Variants in RPH3A observed in about 807,000 individuals in gnomAD.
The protein encoded by RPH3A is rabphilin 3A.
A neutral mutation model predicts 102.2 loss-of-function variants in RPH3A; 48 were observed. The observed-to-expected ratio is 0.47, with a 90% CI of 0.37 to 0.60. The LOEUF (loss-of-function observed/expected upper bound fraction) is 0.60, where lower values mean the gene tolerates loss of function less well. Among genes scored for constraint, RPH3A ranks in the 20% least tolerant of loss-of-function variants. The pLI is 0.00. For missense variants in RPH3A, 781 were observed against 910.1 expected, an observed-to-expected ratio of 0.86 and a Z score of 1.83; for synonymous variants, 310 against 324.3, an observed-to-expected ratio of 0.96 and a Z score of 0.47.
intron 1 of RPH3A, among the ~76,000 whole-genome samples, chr12:112,583,217 CAAT>C (rs1215850275): frequency 2.0e-5 from 3 of 152,164 alleles, no homozygotes; most frequent in Admixed American, 2.0e-4. Context: ...TCCTCAACGA[CAAT>C]AATAACAGCT....
chr12:112,609,765 T>C (rs2039624166), intron 1 of RPH3A, among the ~76,000 whole-genome samples: 1 of 152,174 alleles, frequency 6.6e-6, no homozygotes, highest in Admixed American at 6.5e-5. Flanking sequence ...ATGCCTATTG[T>C]TCAAAAGCAT....
intron 1 of RPH3A, among the ~76,000 whole-genome samples, chr12:112,760,659 A>G (rs1440340929): frequency 6.6e-6 from 1 of 152,222 alleles, no homozygotes; most frequent in Non-Finnish European, 1.5e-5. Flanking sequence ...TCCTGAGAGG[A>G]CATGTTTACT....
At chr12:112,751,312 C>T (rs1338690484) in intron 1 of RPH3A, among the ~76,000 whole-genome samples, 2 of 152,126 alleles carry the variant, frequency 1.3e-5, no homozygotes, top group African/African-American at 2.4e-5. Context: ...CAGTACAGTG[C>T]TATGATTGTG....
chr12:112,612,739 A>G (rs2039648645), intron 1 of RPH3A, among the ~76,000 whole-genome samples: 3 of 145,766 alleles, frequency 2.1e-5, no homozygotes, highest in Admixed American at 6.8e-5. Context: ...TAATTTTTGT[A>G]TTTTTCTTTT....
Position 112,879,124 on chromosome 12 carries a change from C to G in RPH3A, c.1177C>G (p.Leu393Val). The G allele has an allele frequency of 6.2e-7, 1 of 1,613,854 alleles. No homozygotes were observed. Among genetic ancestry groups the G allele is most frequent in the Non-Finnish European group, 8.5e-7 (1 of 1,179,814 alleles). The change falls in exon 14 of 22, where the codon CTG (leucine) becomes GTG (valine). Residue 393 changes from leucine (L) to valine (V), a missense_variant. By Grantham distance (32) the Leu-to-Val change is conservative. Transcript: ENST00000389385. Reference protein sequence around the residue: ...NSYDSDEATTLGALEFSLLYD... With the variant: ...NSYDSDEATTVGALEFSLLYD... ...CCTGTCTCTGCCCCCTTCAGCCACC[C>G]TGGGTGCCCTGGAATTCAGCCTTCT... is the stretch of plus-strand genomic sequence containing the variant.
intron 1 of RPH3A, among the ~76,000 whole-genome samples, chr12:112,784,609 G>A (rs889020095): frequency 6.6e-6 from 1 of 152,184 alleles, no homozygotes; most frequent in Non-Finnish European, 1.5e-5. Context: ...CATTGACCAG[G>A]CATCAGATTT....
intron 1 of RPH3A, among the ~76,000 whole-genome samples, chr12:112,770,822 C>A (rs1444263953): frequency 1.3e-5 from 2 of 152,082 alleles, no homozygotes; most frequent in Admixed American, 1.3e-4. Flanking sequence ...CTTGGGATAC[C>A]CCCAACGGTA....
At chr12:112,839,493 T>G (rs943127289) in intron 4 of RPH3A, among the ~76,000 whole-genome samples, 8 of 152,192 alleles carry the variant, frequency 5.3e-5, no homozygotes, top group Non-Finnish European at 1.0e-4. Context: ...TGCCAGTGGC[T>G]GGAATGATAC....
At chr12:112,786,831 T>C (rs2041055057), upstream of RPH3A, among the ~76,000 whole-genome samples, 1 of 152,196 alleles carries the variant, frequency 6.6e-6, no homozygotes, top group South Asian at 2.1e-4. Flanking sequence ...ACAAACTCTG[T>C]GGCTGAAGAC....
intron 1 of RPH3A, among the ~76,000 whole-genome samples, chr12:112,776,702 G>A (rs1220317827): frequency 1.3e-5 from 2 of 151,724 alleles, no homozygotes; most frequent in African/African-American, 4.8e-5. Flanking sequence ...GTGAAACCCC[G>A]TCTCTACTGA....
rs114882801 is a variant in RPH3A, at chr12:112,703,106, A to G, written c.-139-89037A>G. Among the ~76,000 whole-genome samples, 463 of 152,278 alleles carry G rather than the reference A, an allele frequency of 3.0e-3. 5 individuals carry two copies. The highest frequency in any genetic ancestry group is 0.011 in the African/African-American group (450 of 41,550). On this transcript the variant is annotated intron_variant, in intron 1 of 21. Coordinates refer to the RPH3A transcript ENST00000543106. ...AGTTCTGAGACTGTTTTTCAAGAGG[A>G]CTTGTGTGTTTCCACATGTTCTTTT...
At chr12:112,780,936 C>T (rs2041003240) in intron 1 of RPH3A, among the ~76,000 whole-genome samples, 1 of 152,060 alleles carries the variant, frequency 6.6e-6, no homozygotes, top group African/African-American at 2.4e-5. Flanking sequence ...GGTGGATCAC[C>T]TGAGGTCAAG....
At chr12:112,888,512 G>A (rs1380677012) in intron 17 of RPH3A, among the ~76,000 whole-genome samples, 3 of 152,166 alleles carry the variant, frequency 2.0e-5, no homozygotes, top group South Asian at 2.1e-4. Context: ...CCAGACTCTC[G>A]GGTGTGAATC....
At chr12:112,735,480 G>T (rs1268823922) in intron 1 of RPH3A, among the ~76,000 whole-genome samples, 1 of 152,210 alleles carries the variant, frequency 6.6e-6, no homozygotes, top group Non-Finnish European at 1.5e-5. Context: ...AAAATGTCTA[G>T]AAATGCCCCA....
intron 1 of RPH3A, among the ~76,000 whole-genome samples, chr12:112,783,977 G>C (rs887044913): frequency 2.0e-5 from 3 of 152,136 alleles, no homozygotes; most frequent in Non-Finnish European, 4.4e-5. Flanking sequence ...GGCTTGAGAG[G>C]ATCTTCTTGG....
chr12:112,606,201 G>A (rs553523272), intron 1 of RPH3A, among the ~76,000 whole-genome samples: 2 of 152,168 alleles, frequency 1.3e-5, no homozygotes, highest in East Asian at 3.9e-4. Context: ...CTTGTGAAAC[G>A]AGAACAGGTT....
At chr12:112,710,546 AT>A (rs2040453849) in intron 1 of RPH3A, among the ~76,000 whole-genome samples, 1 of 152,174 alleles carries the variant, frequency 6.6e-6, no homozygotes, top group Non-Finnish European at 1.5e-5. Flanking sequence ...GCCCAATCAT[AT>A]TTGTAGTGTT....
At chr12:112,797,096 C>T (rs952095725) in intron 2 of RPH3A, among the ~76,000 whole-genome samples, 1 of 152,166 alleles carries the variant, frequency 6.6e-6, no homozygotes, top group African/African-American at 2.4e-5. Flanking sequence ...TGGCTACCTA[C>T]ATAATGTGAT....
At chr12:112,719,489 A>G (rs1345996943) in intron 1 of RPH3A, among the ~76,000 whole-genome samples, 1 of 152,210 alleles carries the variant, frequency 6.6e-6, no homozygotes, top group African/African-American at 2.4e-5. Context: ...AGCACCATTT[A>G]TTCCCCAATA....
Sources: gnomAD v4.1 joint callset for allele counts (sites outside exome capture counted in the v4.1 genomes callset) on GRCh38, gnomAD v4.1.1 for gene constraint, MANE v1.5 for transcripts, NCBI Gene and HGNC (gene_info 2026-07-23, HGNC 2026-07-21) for gene names.